The following PHLPP1 variants were observed in gnomAD, a reference collection of about 807,000 sequenced individuals.
The protein encoded by PHLPP1 is PH domain and leucine rich repeat protein phosphatase 1.
In PHLPP1, 42 loss-of-function variants were observed where a neutral mutation model predicts 117.2. That is an observed-to-expected ratio of 0.36 (90% CI 0.28 to 0.46). The LOEUF (loss-of-function observed/expected upper bound fraction) is 0.46. Among genes scored for constraint, PHLPP1 ranks in the 20% least tolerant of loss-of-function variants. The pLI is 1.00. For synonymous variants in PHLPP1, 1,042 were observed against 970.7 expected, an observed-to-expected ratio of 1.07 and a Z score of -1.37; for missense variants, 2,084 against 2,241.9, an observed-to-expected ratio of 0.93 and a Z score of 1.42.
chr18:62,928,154 A>G (rs1219612748), intron 10 of PHLPP1, among the ~76,000 whole-genome samples: 3 of 152,174 alleles, frequency 2.0e-5, no homozygotes, highest in Non-Finnish European at 4.4e-5. Flanking sequence ...ACTGTTAAAC[A>G]TGTAAGCACC....
intron 6 of PHLPP1, among the ~76,000 whole-genome samples, chr18:62,899,985 T>G (rs953943245): frequency 9.2e-5 from 14 of 152,158 alleles, no homozygotes; most frequent in Non-Finnish European, 4.4e-5. Flanking sequence ...GGAATTTTCA[T>G]CATATTTTGC....
rs1181035496 is a variant in PHLPP1 at position 62,958,730 on chromosome 18, C to T, written c.3426C>T (p.Val1142=). 23 of 1,613,858 alleles carry T rather than the reference C, an allele frequency of 1.4e-5. No individual in the cohort carries two copies. Among genetic ancestry groups the T allele is most frequent in the Non-Finnish European group, 1.9e-5 (22 of 1,179,888 alleles). ...ELDLTGNPRL[V]LDHKTLELLN... ...ACCTGACTGGAAACCCGCGCCTTGT[C>T]CTTGATCACAAAACCCTGGAACTAC... The change falls in exon 13 of 17, where the codon GTC becomes GTT. Residue 1142 remains valine (V), a synonymous_variant. Coordinates refer to ENST00000262719, the MANE Select transcript of PHLPP1 (RefSeq NM_194449.4).
intron 8 of PHLPP1, among the ~76,000 whole-genome samples, chr18:62,913,480 A>G (rs1917013968): frequency 6.6e-6 from 1 of 152,082 alleles, no homozygotes; most frequent in African/African-American, 2.4e-5. Context: ...CATCAAAATT[A>G]TTTTTCCTTT....
At chr18:62,885,074 G>C (rs1916252740) in intron 4 of PHLPP1, among the ~76,000 whole-genome samples, 1 of 152,090 alleles carries the variant, frequency 6.6e-6, no homozygotes, top group Non-Finnish European at 1.5e-5. Context: ...AAATAGCTTT[G>C]TACCTACATT....
chr18:62,856,808 A>G (rs1391031973), intron 3 of PHLPP1, among the ~76,000 whole-genome samples: 1 of 152,060 alleles, frequency 6.6e-6, no homozygotes, highest in Non-Finnish European at 1.5e-5. Flanking sequence ...GATAAATCCT[A>G]TCTGCCAACT....
intron 2 of PHLPP1, among the ~76,000 whole-genome samples, chr18:62,834,188 T>C (rs1171952475): frequency 6.6e-6 from 1 of 152,118 alleles, no homozygotes; most frequent in Non-Finnish European, 1.5e-5. Context: ...CCCTTTGTTG[T>C]TTTGGCAAGG....
intron 1 of PHLPP1, among the ~76,000 whole-genome samples, chr18:62,726,204 G>A (rs1052798170): frequency 1.3e-5 from 2 of 152,172 alleles, no homozygotes; most frequent in Non-Finnish European, 1.5e-5. Flanking sequence ...ATGGATGGGA[G>A]GGGGTGAGTA....
chr18:62,743,593 T>G (rs1344642482), intron 1 of PHLPP1, among the ~76,000 whole-genome samples: 2 of 152,356 alleles, frequency 1.3e-5, no homozygotes, highest in East Asian at 3.9e-4. Flanking sequence ...AAATTAACAC[T>G]AATTCCTATT....
rs997150186 is a variant in PHLPP1, at chr18:62,941,855, C to A, written c.3098C>A (p.Thr1033Lys). Residue 1033 changes from threonine (T) to lysine (K), a missense_variant, in exon 11 of 17, where the codon ACG becomes AAG. Transcript: ENST00000262719. ...ACAGACAAATGTGTGCCCTTGTTAA[C>A]GGGACACCCCCATTTGAAGATCCTT... ...SLTDKCVPLL[T>K]GHPHLKILHM... The A allele has an allele frequency of 1.2e-6, 2 of 1,613,968 alleles. No homozygotes were observed. The highest frequency in any genetic ancestry group is 4.5e-5 in the East Asian group (2 of 44,890).
At chr18:62,785,371 G>C (rs1007276164) in intron 1 of PHLPP1, among the ~76,000 whole-genome samples, 2 of 152,144 alleles carry the variant, frequency 1.3e-5, no homozygotes, top group African/African-American at 2.4e-5. Context: ...AGGGAGAAGC[G>C]GTTGCTCTGT....
At chr18:62,919,870 C>T in intron 9 of PHLPP1, 89 bp from the exon 10 acceptor site, 1 of 881,190 alleles carries the variant, frequency 1.1e-6, no homozygotes, top group Non-Finnish European at 1.8e-6. Context: ...TTTGTAGTTG[C>T]TCCAAGTGAA....
intron 1 of PHLPP1, among the ~76,000 whole-genome samples, chr18:62,820,366 A>G (rs575168444): frequency 3.9e-5 from 6 of 152,330 alleles, no homozygotes; most frequent in African/African-American, 1.4e-4. Flanking sequence ...AGAATAATGC[A>G]CTCTGCAATA....
At chr18:62,965,065 G>C (rs1398010116) in intron 14 of PHLPP1, among the ~76,000 whole-genome samples, 1 of 152,094 alleles carries the variant, frequency 6.6e-6, no homozygotes, top group African/African-American at 2.4e-5. Flanking sequence ...CATTGAAAGA[G>C]AAAAATAAAT....
intron 1 of PHLPP1, among the ~76,000 whole-genome samples, chr18:62,823,124 A>G (rs1028221037): frequency 4.6e-5 from 7 of 152,212 alleles, no homozygotes; most frequent in African/African-American, 1.7e-4. Context: ...TTTGTCAAAG[A>G]TTTTTTAAGT....
At chr18:62,832,256 G>T (rs1747435229) in intron 2 of PHLPP1, 1 of 152,210 alleles carries the variant, frequency 6.6e-6, no homozygotes, top group Non-Finnish European at 1.5e-5. Flanking sequence ...TAGGCACAAT[G>T]ATATCTGTTG....
At chr18:62,938,974 T>TTTTCTTTC (rs71340137) in intron 10 of PHLPP1, among the ~76,000 whole-genome samples, 77 of 140,300 alleles carry the variant, frequency 5.5e-4, no homozygotes, top group Non-Finnish European at 7.2e-4. Context: ...TTTTTGTCTT[T>TTTTCTTTC]TTTCTTTCTT....
At chr18:62,930,688 T>C (rs572037572) in intron 10 of PHLPP1, among the ~76,000 whole-genome samples, 36 of 152,352 alleles carry the variant, frequency 2.4e-4, no homozygotes, top group African/African-American at 7.5e-4. Flanking sequence ...TTTGACCAAA[T>C]AGACCTAATA....
Position 62,860,291 on chromosome 18 carries a change from GAATA to G in PHLPP1, c.1900-143_1900-140del, listed in dbSNP as rs142850519. On this transcript the variant is annotated intron_variant, in intron 3 of 16. Coordinates refer to ENST00000262719, the MANE Select transcript of PHLPP1 (RefSeq NM_194449.4). Reference sequence around the variant, plus strand: ...AAAGGTTGGTATGCGGCACATGACTGAATACTCTGTTGGTTTATATTTGGACTAA... The same window carrying G: ...AAAGGTTGGTATGCGGCACATGACTGCTCTGTTGGTTTATATTTGGACTAA... 128 of 674,962 alleles carry G rather than the reference GAATA, an allele frequency of 1.9e-4. No individual in the cohort carries two copies. The East Asian group carries it at 3.4e-3, about 18-fold the overall frequency. 41.8% of individuals were successfully genotyped at this position (674,962 alleles called of 1,614,324 possible).
chr18:62,745,067 C>A (rs1318457467), intron 1 of PHLPP1, among the ~76,000 whole-genome samples: 1 of 152,150 alleles, frequency 6.6e-6, no homozygotes, highest in African/African-American at 2.4e-5. Context: ...ATTTGGATAT[C>A]ATTTAAAAAC....
Sources: allele counts gnomAD v4.1 joint callset (sites outside exome capture counted in the v4.1 genomes callset), GRCh38; gene constraint gnomAD v4.1.1; transcripts MANE v1.5; gene names NCBI Gene and HGNC (gene_info 2026-07-23, HGNC 2026-07-21).